The following GPATCH2 variants were observed in gnomAD, a reference collection of about 807,000 sequenced individuals.
GPATCH2 encodes the protein G-patch domain containing 2.
GPATCH2 carries 51 observed loss-of-function variants against 58.0 expected under a neutral mutation model. The observed-to-expected ratio is 0.88, with a 90% CI of 0.70 to 1.11. The LOEUF (loss-of-function observed/expected upper bound fraction) is 1.11, where lower values mean the gene tolerates loss of function less well. Among genes scored for constraint, GPATCH2 ranks in the 50% most tolerant of loss-of-function variants. The pLI, the probability that GPATCH2 is intolerant of heterozygous loss-of-function variation, is 0.00. For synonymous variants in GPATCH2, 222 were observed against 218.5 expected (o/e 1.02, Z -0.14); for missense variants, 625 against 652.2 (o/e 0.96, Z 0.45).
Position 217,431,325 on chromosome 1 carries a change from A to T in GPATCH2, c.1407T>A (p.Asn469Lys), listed in dbSNP as rs796996555. The T allele has an allele frequency of 1.9e-6, 3 of 1,608,572 alleles. No homozygotes were observed. The highest frequency in any genetic ancestry group is 1.7e-5 in the Admixed American group (1 of 60,012). Reference sequence around the variant, plus strand: ...TATTCTGAAGCATTCGGTTTCCAATATTATTTTCTAGGATTGGCTGGGCAT... The same window carrying T: ...TATTCTGAAGCATTCGGTTTCCAATTTTATTTTCTAGGATTGGCTGGGCAT... Reference protein sequence around the residue: ...GENAQPILENNIGNRMLQNMG... With the variant: ...GENAQPILENKIGNRMLQNMG... Residue 469 changes from asparagine (N) to lysine (K), a missense_variant, in exon 10 of 10, where the codon AAT (asparagine) becomes AAA (lysine). Physicochemically the swap from Asn to Lys is moderately conservative, Grantham distance 94. Coordinates refer to ENST00000366935, the MANE Select transcript of GPATCH2 (RefSeq NM_018040.5).
chr1:217,443,585 T>C (rs927868857), intron 9 of GPATCH2, among the ~76,000 whole-genome samples: 3 of 152,156 alleles, frequency 2.0e-5, no homozygotes, highest in Non-Finnish European at 4.4e-5. Flanking sequence ...CTAAAAATTC[T>C]TATTTTCCTG....
At chr1:217,470,390 A>G (rs551324863) in intron 8 of GPATCH2, among the ~76,000 whole-genome samples, 20 of 152,238 alleles carry the variant, frequency 1.3e-4, no homozygotes, top group African/African-American at 4.1e-4. Flanking sequence ...AAGTAATAAG[A>G]GTTTCACTAG....
At chr1:217,542,576 G>A (rs756605266) in intron 5 of GPATCH2, among the ~76,000 whole-genome samples, 7 of 152,156 alleles carry the variant, frequency 4.6e-5, no homozygotes, top group Non-Finnish European at 7.4e-5. Context: ...GCTCAATCCC[G>A]AGGAAAACAG....
chr1:217,593,328 AG>A (rs1175972347), intron 5 of GPATCH2, among the ~76,000 whole-genome samples: 2 of 151,996 alleles, frequency 1.3e-5, no homozygotes, highest in Non-Finnish European at 2.9e-5. Flanking sequence ...TTTAGTTAAA[AG>A]GTATAACTGA....
Position 217,430,689 on chromosome 1 carries a change from G to T in GPATCH2, c.*456C>A. The T allele has an allele frequency of 6.2e-6, 1 of 161,136 alleles. No individual in the cohort carries two copies. The highest frequency in any genetic ancestry group is 1.4e-5 in the Non-Finnish European group (1 of 73,814). 10.0% of individuals were successfully genotyped at this position (161,136 alleles called of 1,614,324 possible). The stretch of plus-strand genomic sequence containing the variant: ...AAGCCTTTCAAACAAAGATGTGTTC[G>T]GACTTCACTGATGCGATGGTAGGTC... On this transcript the variant is annotated 3_prime_UTR_variant, in exon 10 of 10. Transcript: ENST00000366935.
At chr1:217,551,664 T>C (rs1310730898) in intron 5 of GPATCH2, among the ~76,000 whole-genome samples, 1 of 152,188 alleles carries the variant, frequency 6.6e-6, no homozygotes, top group Non-Finnish European at 1.5e-5. Flanking sequence ...ACTGTTGTGT[T>C]TGTTGTATCT....
rs1026680359 is a variant in GPATCH2 at position 217,427,764 on chromosome 1, A to G, written c.*3381T>C. ...CTGCTCAAAATAAAGTGTACTGAAT[A>G]GAAGCAATTGTCAGTTCAATTTACA... On this transcript the variant is annotated 3_prime_UTR_variant, in exon 10 of 10. Coordinates refer to ENST00000366935, the MANE Select transcript of GPATCH2 (RefSeq NM_018040.5). 20 of 152,194 alleles carry G rather than the reference A, an allele frequency of 1.3e-4. No homozygotes were observed. Among genetic ancestry groups the G allele is most frequent in the African/African-American group, 4.3e-4 (18 of 41,460 alleles). The allele number at this position is 152,194 out of a possible 1,614,324, so 9.4% of individuals were successfully genotyped here.
chr1:217,500,174 CCTT>C (rs1291597022), intron 6 of GPATCH2, among the ~76,000 whole-genome samples: 1 of 152,044 alleles, frequency 6.6e-6, no homozygotes, highest in Non-Finnish European at 1.5e-5. Flanking sequence ...TACCTGCCAG[CCTT>C]CTTAATTTTT....
Position 217,610,909 on chromosome 1 carries a change from A to G in GPATCH2, c.998T>C (p.Met333Thr), listed in dbSNP as rs775701176. The change falls in exon 4 of 10, where the codon ATG becomes ACG. Residue 333 changes from methionine to threonine, a missense_variant. By Grantham distance (81) the Met-to-Thr change is moderately conservative. Transcript: ENST00000366935. ...CTGACCTCTTCTGCTTGGGTGTGAC[A>G]TAAGGGGAAAAGAACCAGTTAAGAT... is the stretch of plus-strand genomic sequence containing the variant. ...ESILTGSFPL[M>T]SHPSRRGFQA... 6.2e-7 allele frequency: 1 copy of G among 1,612,736 alleles called. No individual in the cohort carries two copies. The highest frequency in any genetic ancestry group is 1.7e-5 in the Admixed American group (1 of 59,914).
At chr1:217,520,227 C>T (rs1270800402) in intron 5 of GPATCH2, among the ~76,000 whole-genome samples, 1 of 152,120 alleles carries the variant, frequency 6.6e-6, no homozygotes, top group Non-Finnish European at 1.5e-5. Flanking sequence ...CAAATCCTTA[C>T]CTACCAGATC....
intron 5 of GPATCH2, among the ~76,000 whole-genome samples, chr1:217,598,388 G>GAAAAC (rs1158210051): frequency 1.3e-5 from 2 of 151,510 alleles, no homozygotes; most frequent in Admixed American, 6.6e-5. Context: ...ATTCTGTCAC[G>GAAAAC]AAAACAAAAC....
At chr1:217,523,285 A>G (rs1467418448) in intron 5 of GPATCH2, among the ~76,000 whole-genome samples, 3 of 151,582 alleles carry the variant, frequency 2.0e-5, no homozygotes, top group Non-Finnish European at 4.4e-5. Context: ...CAAGTGAACA[A>G]AGGTCTCTGG....
intron 8 of GPATCH2, among the ~76,000 whole-genome samples, chr1:217,459,905 T>C (rs1375416455): frequency 2.0e-5 from 3 of 152,178 alleles, no homozygotes; most frequent in African/African-American, 7.2e-5. Flanking sequence ...AAGCTCTAAG[T>C]TCCGTTCTGA....
At chr1:217,536,525 C>T (rs979394989) in intron 5 of GPATCH2, among the ~76,000 whole-genome samples, 2 of 152,098 alleles carry the variant, frequency 1.3e-5, no homozygotes, top group Non-Finnish European at 2.9e-5. Context: ...TTTCTATTAG[C>T]CTATTTCTAA....
intron 5 of GPATCH2, among the ~76,000 whole-genome samples, chr1:217,564,683 G>A (rs765315169): frequency 1.3e-5 from 2 of 152,120 alleles, no homozygotes; most frequent in Non-Finnish European, 1.5e-5. Flanking sequence ...CCAAGGACAC[G>A]AAATTCCCCA....
At chr1:217,509,832 G>A (rs890307386) in intron 6 of GPATCH2, among the ~76,000 whole-genome samples, 1 of 152,036 alleles carries the variant, frequency 6.6e-6, no homozygotes, top group East Asian at 1.9e-4. Flanking sequence ...AATAAAACAT[G>A]TATTTTATAA....
chr1:217,514,717 T>TA, intron 6 of GPATCH2, 105 bp downstream of exon 6: 1 of 551,692 alleles, frequency 1.8e-6, no homozygotes, highest in South Asian at 3.1e-5. Context: ...TTACTCTTTT[T>TA]AAAAAGTACA....
intron 8 of GPATCH2, among the ~76,000 whole-genome samples, chr1:217,474,868 A>G (rs1660902436): frequency 6.6e-6 from 1 of 152,236 alleles, no homozygotes; most frequent in African/African-American, 2.4e-5. Flanking sequence ...CAAAAGGGGT[A>G]AGAAAAGTCA....
At chr1:217,490,248 T>C (rs1271577792) in intron 8 of GPATCH2, among the ~76,000 whole-genome samples, 3 of 152,230 alleles carry the variant, frequency 2.0e-5, no homozygotes, top group African/African-American at 7.2e-5. Flanking sequence ...GATATATCAT[T>C]GTCATTCCTT....
Sources: gnomAD v4.1 joint callset for allele counts (sites outside exome capture counted in the v4.1 genomes callset) on GRCh38, gnomAD v4.1.1 for gene constraint, MANE v1.5 for transcripts, NCBI Gene and HGNC (gene_info 2026-07-23, HGNC 2026-07-21) for gene names.